LIMK1: variants seen among roughly 807,000 people sequenced by gnomAD.
LIMK1 encodes the protein LIM domain kinase 1.
In LIMK1, 21 loss-of-function variants were observed where a neutral mutation model predicts 77.6. That is an observed-to-expected ratio of 0.27 (90% CI 0.19 to 0.39). LIMK1 has a LOEUF of 0.39. Ranked by LOEUF, LIMK1 falls within the 10% of genes least tolerant of loss-of-function variation. LIMK1 has a pLI of 1.00. For synonymous variants in LIMK1, 358 were observed against 370.0 expected, an observed-to-expected ratio of 0.97 and a Z score of 0.37; for missense variants, 696 against 901.6, an observed-to-expected ratio of 0.77 and a Z score of 2.92.
chr7:74,103,480 G>T (rs906049207), intron 5 of LIMK1, among the ~76,000 whole-genome samples: 54 of 152,156 alleles, frequency 3.5e-4, no homozygotes, highest in African/African-American at 1.3e-3. Flanking sequence ...CTGTCCTTCC[G>T]AGTGGATCTT....
intron 8 of LIMK1, among the ~76,000 whole-genome samples, 181 bp from the exon 9 acceptor site, chr7:74,107,690 A>AC (rs1197335910): frequency 6.6e-6 from 1 of 151,826 alleles, no homozygotes; most frequent in African/African-American, 2.4e-5. Flanking sequence ...AAAAAAAAAA[A>AC]AAAAAAGACA....
chr7:74,118,999 C>T (rs1563926002), intron 13 of LIMK1, among the ~76,000 whole-genome samples: 1 of 151,108 alleles, frequency 6.6e-6, no homozygotes, highest in East Asian at 2.0e-4. Flanking sequence ...GGGTTCACAC[C>T]ATTCTCCTGC....
Position 74,085,904 on chromosome 7 carries a change from C to CT in LIMK1, c.152+61dup, listed in dbSNP as rs1442282500. 10 of 1,335,246 alleles carry CT rather than the reference C, an allele frequency of 7.5e-6. No homozygotes were observed. The Admixed American group carries it at 2.0e-4, about 26-fold the overall frequency. The allele number at this position is 1,335,246 out of a possible 1,614,324, so 82.7% of individuals were successfully genotyped here. A position where few individuals can be genotyped will look rare whatever the true frequency, so the allele number is the denominator to read the frequency against. On this transcript the variant is annotated intron_variant, in intron 2 of 15. Coordinates refer to ENST00000336180, the MANE Select transcript of LIMK1 (RefSeq NM_002314.4). The stretch of plus-strand genomic sequence containing the variant: ...AACAAGGCCTGCCAGAGAGGACAGG[C>CT]TGGTCAAGGAATGGGGGAGGCCGGG...
chr7:74,107,301 T>C, intron 8 of LIMK1, 108 bp downstream of exon 8: 2 of 1,246,956 alleles, frequency 1.6e-6, no homozygotes, highest in Non-Finnish European at 2.2e-6. Context: ...GCTTCCAGAC[T>C]CCCTGGCCAG....
At chr7:74,084,166 T>C in intron 1 of LIMK1, 121 bp downstream of exon 1, 2 of 375,812 alleles carry the variant, frequency 5.3e-6, no homozygotes, top group Non-Finnish European at 9.6e-6. Context: ...GATGAGCTCG[T>C]CCTTACGAAG....
intron 2 of LIMK1, among the ~76,000 whole-genome samples, chr7:74,091,277 A>G (rs1799229544): frequency 6.6e-6 from 1 of 151,896 alleles, no homozygotes; most frequent in South Asian, 2.1e-4. Context: ...TAATCCCAGC[A>G]CTTTGGGAGG....
intron 5 of LIMK1, 121 bp downstream of exon 5, chr7:74,099,359 C>T (rs1554696215): frequency 2.2e-6 from 2 of 917,252 alleles, no homozygotes; most frequent in African/African-American, 3.3e-5. Flanking sequence ...AGATGGGGCC[C>T]AGTTCTGACA....
chr7:74,100,746 T>G (rs1240791991), intron 5 of LIMK1, among the ~76,000 whole-genome samples: 1 of 143,780 alleles, frequency 7.0e-6, no homozygotes, highest in Non-Finnish European at 1.5e-5. Context: ...TCTCTTTTTT[T>G]TTTTTTCGAG....
chr7:74,103,825 C>T (rs576621331), intron 5 of LIMK1, among the ~76,000 whole-genome samples: 184 of 152,138 alleles, frequency 1.2e-3, no homozygotes, highest in South Asian at 8.1e-3. Flanking sequence ...GATAGGGTCT[C>T]ACTCTGTTGC....
intron 12 of LIMK1, 116 bp downstream of exon 12, chr7:74,112,114 A>G (rs1799711884): frequency 3.7e-6 from 3 of 817,378 alleles, no homozygotes; most frequent in East Asian, 2.5e-5. Flanking sequence ...CATGACTTCA[A>G]TTTGAGGTGG....
At chr7:74,116,349 G>C (rs952212239) in intron 13 of LIMK1, among the ~76,000 whole-genome samples, 3 of 152,208 alleles carry the variant, frequency 2.0e-5, no homozygotes, top group Non-Finnish European at 4.4e-5. Flanking sequence ...GGGAGGCAGA[G>C]GTTGCAGTGA....
chr7:74,096,254 C>T (rs530544112), intron 2 of LIMK1, among the ~76,000 whole-genome samples: 10 of 151,544 alleles, frequency 6.6e-5, no homozygotes, highest in Admixed American at 4.6e-4. Context: ...TGTGAGCCAC[C>T]GCTTTGGGAG....
intron 2 of LIMK1, among the ~76,000 whole-genome samples, chr7:74,088,006 T>G (rs1272296566): frequency 6.6e-6 from 1 of 151,974 alleles, no homozygotes; most frequent in Non-Finnish European, 1.5e-5. Context: ...CTCCAACTGG[T>G]TCAAGCGATC....
At chr7:74,099,561 T>C (rs1485165597) in intron 5 of LIMK1, among the ~76,000 whole-genome samples, 3 of 151,220 alleles carry the variant, frequency 2.0e-5, no homozygotes, top group Non-Finnish European at 4.4e-5. Context: ...TGAAACCCCG[T>C]CTCTACTAAA....
At chr7:74,086,294 C>A (rs1799136721) in intron 2 of LIMK1, among the ~76,000 whole-genome samples, 1 of 152,166 alleles carries the variant, frequency 6.6e-6, no homozygotes, top group Non-Finnish European at 1.5e-5. Context: ...ATCTTCCCAC[C>A]TCAGCCTCCC....
intron 2 of LIMK1, among the ~76,000 whole-genome samples, chr7:74,090,925 C>G (rs1449470097): frequency 2.0e-5 from 3 of 151,968 alleles, no homozygotes; most frequent in Admixed American, 6.6e-5. Flanking sequence ...TTTATTAAAG[C>G]GATTTTTTTT....
chr7:74,088,378 G>A (rs1450495787), intron 2 of LIMK1, among the ~76,000 whole-genome samples: 5 of 152,172 alleles, frequency 3.3e-5, no homozygotes, highest in African/African-American at 7.2e-5. Flanking sequence ...TCTGCACAGC[G>A]GTGGGATGGT....
intron 2 of LIMK1, among the ~76,000 whole-genome samples, chr7:74,087,732 G>C (rs1192311940): frequency 6.6e-6 from 1 of 151,946 alleles, no homozygotes; most frequent in South Asian, 2.1e-4. Flanking sequence ...TGGGATTACA[G>C]GTGTGCACCA....
chr7:74,088,414 G>T (rs1418550186), intron 2 of LIMK1, among the ~76,000 whole-genome samples: 1 of 152,180 alleles, frequency 6.6e-6, no homozygotes, highest in Non-Finnish European at 1.5e-5. Flanking sequence ...AACAGGAACA[G>T]TTCCCTTGGA....
Sources: gnomAD v4.1 joint callset for allele counts (sites outside exome capture counted in the v4.1 genomes callset) on GRCh38, gnomAD v4.1.1 for gene constraint, MANE v1.5 for transcripts, NCBI Gene and HGNC (gene_info 2026-07-23, HGNC 2026-07-21) for gene names.